Variants in AASS observed in about 807,000 individuals in gnomAD.
AASS encodes alpha-aminoadipic semialdehyde synthase, mitochondrial.
Under a neutral mutation model 105.4 loss-of-function variants are expected in AASS, and 86 were observed. That is an observed-to-expected ratio of 0.82 (90% CI 0.69 to 0.98). AASS has a LOEUF of 0.98. Ranked by LOEUF, AASS falls within the 50% of genes least tolerant of loss-of-function variation. The pLI is 0.00. For missense variants in AASS, 1,048 were observed against 1,143.2 expected (o/e 0.92, Z 1.20); for synonymous variants, 381 against 394.8 (o/e 0.96, Z 0.41).
At position 122,078,413 on chromosome 7, in the gene AASS, A is replaced by T. The variant is rs1305814202; in HGVS notation, c.2486-399T>A. 2.8e-4 allele frequency among the ~76,000 whole-genome samples: 43 copies of T among 152,052 alleles called. 1 individual carries two copies. The highest frequency in any genetic ancestry group is 5.9e-5 in the Non-Finnish European group (4 of 68,018). ...CGGATCACGAGGTCAGGAGATGAAGACCATCCTGGCCAACATGGTGAAACC... is the reference window on the plus strand; with the variant it reads ...CGGATCACGAGGTCAGGAGATGAAGTCCATCCTGGCCAACATGGTGAAACC... On this transcript the variant is annotated intron_variant, in intron 22 of 23. Coordinates refer to ENST00000417368, the MANE Select transcript of AASS (RefSeq NM_005763.4).
At position 122,085,624 on chromosome 7, in the gene AASS, G is replaced by A. The variant is rs569004520; in HGVS notation, c.2184+388C>T. ...AAATCGTATTTTTGGCTATTAGAAC[G>A]GTATCATTTTTTATTCCCACTGAAT... On this transcript the variant is annotated intron_variant, in intron 19 of 23. Coordinates refer to ENST00000417368, the MANE Select transcript of AASS (RefSeq NM_005763.4). 6.6e-5 allele frequency among the ~76,000 whole-genome samples: 10 copies of A among 152,076 alleles called. No individual in the cohort carries two copies. The East Asian group carries it at 1.6e-3, about 24-fold the overall frequency.
intron 6 of AASS, among the ~76,000 whole-genome samples, chr7:122,117,917 A>G (rs1180228296): frequency 6.6e-6 from 1 of 152,076 alleles, no homozygotes; most frequent in Non-Finnish European, 1.5e-5. Flanking sequence ...CGGCCTCCCA[A>G]AGCACTGGGA....
chr7:122,123,660 C>T (rs1795532225), intron 4 of AASS, among the ~76,000 whole-genome samples: 1 of 152,184 alleles, frequency 6.6e-6, no homozygotes, highest in Non-Finnish European at 1.5e-5. Context: ...TACCTTACTT[C>T]CTTTCTCCCC....
rs185083825 is a variant in AASS, at chr7:122,140,434, C to G, written c.-16+3727G>C. Among the ~76,000 whole-genome samples the G allele has an allele frequency of 1.3e-4, 17 of 132,748 alleles. No homozygotes were observed. In the East Asian group the frequency reaches 3.9e-3, roughly 30 times the overall value. The allele number at this position is 132,748 out of a possible 152,430, so 87.1% of individuals were successfully genotyped here. A position where few individuals can be genotyped will look rare whatever the true frequency, so the allele number is the denominator to read the frequency against. ...CCGGGAGGCGGAGCTTGCAGTGAGC[C>G]GAGTTCGTACCACTGCACTCCAGCC... On this transcript the variant is annotated intron_variant, in intron 1 of 23. Transcript: ENST00000417368.
Position 122,113,728 on chromosome 7 carries a change from T to C in AASS, c.1044-8A>G, listed in dbSNP as rs372835564. On this transcript the variant is annotated splice_polypyrimidine_tract_variant and splice_region_variant and intron_variant, in intron 9 of 23. Coordinates refer to ENST00000417368, the MANE Select transcript of AASS (RefSeq NM_005763.4). ...TCACATATTGCCACGAGTCTGAAAA[T>C]AACATCAATACTTAGATGAGAGGAT... 2.5e-6 allele frequency: 4 copies of C among 1,611,596 alleles called. No homozygotes were observed. In the African/African-American group the frequency reaches 4.0e-5, roughly 16 times the overall value.
intron 4 of AASS, among the ~76,000 whole-genome samples, chr7:122,122,693 C>T (rs1795493252): frequency 6.6e-6 from 1 of 152,150 alleles, no homozygotes; most frequent in Admixed American, 6.5e-5. Context: ...AATCTATCCA[C>T]CATGTATCTA....
intron 15 of AASS, 69 bp from the exon 16 acceptor site, chr7:122,093,227 T>C: frequency 8.8e-7 from 1 of 1,132,784 alleles, no homozygotes; most frequent in Non-Finnish European, 1.3e-6. Context: ...ACTTGAACTG[T>C]ATTAAAGCTG....
intron 11 of AASS, among the ~76,000 whole-genome samples, chr7:122,104,913 C>T (rs1315332596): frequency 1.3e-5 from 2 of 151,782 alleles, no homozygotes; most frequent in African/African-American, 2.4e-5. Context: ...TGCACATGTA[C>T]CCCCGAACCT....
chr7:122,140,799 G>C (rs1451823045), intron 1 of AASS, among the ~76,000 whole-genome samples: 1 of 151,568 alleles, frequency 6.6e-6, no homozygotes, highest in African/African-American at 2.4e-5. Flanking sequence ...TAAGAATGAG[G>C]TAATGTAGTC....
At chr7:122,114,141 C>A (rs117775186) in intron 9 of AASS, among the ~76,000 whole-genome samples, 2 of 152,138 alleles carry the variant, frequency 1.3e-5, no homozygotes, top group Non-Finnish European at 2.9e-5. Flanking sequence ...AAGTTTCAGT[C>A]CAGCATTCAA....
intron 17 of AASS, among the ~76,000 whole-genome samples, chr7:122,092,517 G>A (rs1793952234): frequency 6.6e-6 from 1 of 152,096 alleles, no homozygotes; most frequent in African/African-American, 2.4e-5. Context: ...CTGAGGTCAG[G>A]AGTTTGAGAC....
At chr7:122,110,465 A>G (rs1794880484) in intron 11 of AASS, among the ~76,000 whole-genome samples, 2 of 151,980 alleles carry the variant, frequency 1.3e-5, no homozygotes, top group African/African-American at 2.4e-5. Context: ...AATGTAATCT[A>G]TAATTTTAAA....
chr7:122,076,962 A>T (rs1793042866), intron 23 of AASS, among the ~76,000 whole-genome samples: 1 of 152,148 alleles, frequency 6.6e-6, no homozygotes, highest in South Asian at 2.1e-4. Flanking sequence ...TTTTTAAAAA[A>T]GGCAAGACAC....
At chr7:122,133,848 A>G in intron 1 of AASS, 107 bp from the exon 2 acceptor site, 1 of 971,532 alleles carries the variant, frequency 1.0e-6, no homozygotes, top group Non-Finnish European at 1.6e-6. Flanking sequence ...TCTTATGAAA[A>G]CAGACACAAG....
intron 3 of AASS, 23 bp from the exon 4 acceptor site, chr7:122,126,482 T>C (rs1436328914): frequency 6.3e-7 from 1 of 1,590,550 alleles, no homozygotes. Context: ...TAAAAAAATT[T>C]CAACTGGACC....
At chr7:122,103,541 T>C (rs986557221) in intron 11 of AASS, among the ~76,000 whole-genome samples, 2 of 152,042 alleles carry the variant, frequency 1.3e-5, no homozygotes, top group African/African-American at 4.8e-5. Flanking sequence ...TAAAGGTAGA[T>C]ATATATTCAA....
Position 122,118,293 on chromosome 7 carries a change from C to T in AASS, c.687+14G>A. The T allele has an allele frequency of 6.2e-7, 1 of 1,613,574 alleles. No individual in the cohort carries two copies. The highest frequency in any genetic ancestry group is 8.5e-7 in the Non-Finnish European group (1 of 1,179,952). On this transcript the variant is annotated intron_variant, in intron 6 of 23. Coordinates refer to ENST00000417368, the MANE Select transcript of AASS (RefSeq NM_005763.4). ...TTTGGATTGTTTTACAAAAGGAAGT[C>T]AGGTAAAAGTTACCTTAGAAACATT...
At chr7:122,102,579 G>A (rs1794481699) in intron 11 of AASS, among the ~76,000 whole-genome samples, 1 of 151,986 alleles carries the variant, frequency 6.6e-6, no homozygotes, top group Non-Finnish European at 1.5e-5. Flanking sequence ...GCTGGTAACA[G>A]AGAATTTATT....
At chr7:122,141,649 CT>C (rs1290668112) in intron 1 of AASS, among the ~76,000 whole-genome samples, 29 of 127,026 alleles carry the variant, frequency 2.3e-4, no homozygotes, top group South Asian at 5.4e-4. Flanking sequence ...TCACATCCCC[CT>C]AACCCTGCAA....
Sources: gnomAD v4.1 joint callset for allele counts (sites outside exome capture counted in the v4.1 genomes callset) on GRCh38, gnomAD v4.1.1 for gene constraint, MANE v1.5 for transcripts, NCBI Gene and HGNC (gene_info 2026-07-23, HGNC 2026-07-21) for gene names.